The following CAST variants were observed in gnomAD, a reference collection of about 807,000 sequenced individuals.
CAST encodes MIR583 host.
Under a neutral mutation model 119.6 loss-of-function variants are expected in CAST, and 76 were observed. The ratio of observed to expected loss-of-function variants is 0.64; its 90% confidence interval spans 0.53 to 0.77. The LOEUF is 0.77. Among genes scored for constraint, CAST ranks in the 30% least tolerant of loss-of-function variants. CAST has a pLI of 0.00. For synonymous variants in CAST, 319 were observed against 331.6 expected (o/e 0.96, Z 0.41); for missense variants, 953 against 946.5 (o/e 1.01, Z -0.09).
intron 1 of CAST, among the ~76,000 whole-genome samples, chr5:96,565,244 A>G (rs1286532642): frequency 1.3e-5 from 2 of 152,092 alleles, no homozygotes; most frequent in Non-Finnish European, 2.9e-5. Flanking sequence ...ATTAAAATAT[A>G]TATCATATAG....
the CAST span, among the ~76,000 whole-genome samples, chr5:96,203,772 T>C: frequency 6.6e-6 from 1 of 152,078 alleles, no homozygotes; most frequent in Non-Finnish European, 1.5e-5. Flanking sequence ...TAAGAACCTC[T>C]GTGAATATAT....
chr5:96,565,856 T>C (rs1462428543), intron 1 of CAST, among the ~76,000 whole-genome samples: 1 of 152,220 alleles, frequency 6.6e-6, no homozygotes, highest in East Asian at 1.9e-4. Context: ...CTCTTCCTTT[T>C]AGTAGAAAGC....
the CAST span, among the ~76,000 whole-genome samples, chr5:96,107,239 G>A: frequency 3.3e-5 from 5 of 151,744 alleles, no homozygotes; most frequent in African/African-American, 1.2e-4. Flanking sequence ...AGTTAATATT[G>A]TTATGTGTGA....
the CAST span, among the ~76,000 whole-genome samples, chr5:96,277,887 T>C: frequency 2.0e-5 from 3 of 152,250 alleles, no homozygotes; most frequent in East Asian, 3.9e-4. Flanking sequence ...GATTTGATAA[T>C]AGCAGCCAGC....
the CAST span, among the ~76,000 whole-genome samples, chr5:96,071,093 C>G: frequency 6.6e-6 from 1 of 152,068 alleles, no homozygotes; most frequent in African/African-American, 2.4e-5. Flanking sequence ...TGCCTTAGGC[C>G]AAGATCACGA....
chr5:96,301,937 G>C, the CAST span, among the ~76,000 whole-genome samples: 3 of 152,206 alleles, frequency 2.0e-5, no homozygotes, highest in African/African-American at 7.2e-5. Flanking sequence ...CATTGCTCCA[G>C]TGGGGACTCT....
upstream of CAST, chr5:96,662,254 G>C: frequency 1.2e-6 from 1 of 809,202 alleles, no homozygotes; most frequent in Non-Finnish European, 1.7e-6. Context: ...CGGGGCTAGG[G>C]GAACCCCGGC....
At chr5:96,242,085 A>G in the CAST span, among the ~76,000 whole-genome samples, 6 of 146,970 alleles carry the variant, frequency 4.1e-5, no homozygotes, top group African/African-American at 1.5e-4. Context: ...CCCATTTGTC[A>G]ATTTTGGCTT....
chr5:96,368,517 A>C, the CAST span, among the ~76,000 whole-genome samples: 2 of 149,772 alleles, frequency 1.3e-5, no homozygotes, highest in African/African-American at 4.9e-5. Context: ...AAAAAAAAAC[A>C]AAAAAACCTA....
the CAST span, among the ~76,000 whole-genome samples, chr5:96,272,168 A>T: frequency 6.6e-6 from 1 of 152,184 alleles, no homozygotes; most frequent in Admixed American, 6.5e-5. Flanking sequence ...TGGGAATGTG[A>T]ATTAGTAAAG....
intron 2 of CAST, among the ~76,000 whole-genome samples, chr5:96,678,706 G>T (rs1750990437): frequency 6.6e-6 from 1 of 151,968 alleles, no homozygotes; most frequent in Non-Finnish European, 1.5e-5. Context: ...AATTAGTCTG[G>T]CAAGGTGGCG....
At chr5:96,102,606 T>A in the CAST span, among the ~76,000 whole-genome samples, 2 of 152,200 alleles carry the variant, frequency 1.3e-5, no homozygotes, top group East Asian at 3.8e-4. Context: ...GACCCGCCCC[T>A]GCCTGCCTAG....
chr5:96,399,520 C>T, the CAST span, among the ~76,000 whole-genome samples: 1 of 152,080 alleles, frequency 6.6e-6, no homozygotes. Context: ...GAAGAAAAGC[C>T]ATGAATCACA....
the CAST span, among the ~76,000 whole-genome samples, chr5:96,153,913 T>C: frequency 3.3e-5 from 5 of 152,186 alleles, no homozygotes; most frequent in Admixed American, 2.0e-4. Context: ...AGGCAGATAT[T>C]GCATTATATC....
intron 2 of CAST, among the ~76,000 whole-genome samples, chr5:96,687,280 A>G (rs1296438210): frequency 6.6e-6 from 1 of 152,212 alleles, no homozygotes; most frequent in African/African-American, 2.4e-5. Flanking sequence ...TGGGTAGTGC[A>G]GAGATGAACG....
chr5:96,229,517 CAGT>C, the CAST span, among the ~76,000 whole-genome samples: 3 of 152,040 alleles, frequency 2.0e-5, no homozygotes, highest in African/African-American at 7.2e-5. Flanking sequence ...AGATGTTAAA[CAGT>C]GGTATCTTCC....
chr5:96,205,092 A>G, the CAST span, among the ~76,000 whole-genome samples: 1 of 152,044 alleles, frequency 6.6e-6, no homozygotes, highest in Non-Finnish European at 1.5e-5. Flanking sequence ...TTTCTAATTC[A>G]ATGGTTTGTT....
the CAST span, among the ~76,000 whole-genome samples, chr5:95,989,256 G>C: frequency 6.6e-6 from 1 of 152,126 alleles, no homozygotes; most frequent in Non-Finnish European, 1.5e-5. Context: ...CTGCAATAAT[G>C]TTTCTGTTGG....
the CAST span, among the ~76,000 whole-genome samples, chr5:96,089,066 CTTTT>C: frequency 4.2e-4 from 50 of 117,690 alleles, no homozygotes; most frequent in Admixed American, 1.3e-3. Context: ...CTCCAAAAAT[CTTTT>C]TTTTTTTTTT....
Sources: gnomAD v4.1 joint callset for allele counts (sites outside exome capture counted in the v4.1 genomes callset) on GRCh38, gnomAD v4.1.1 for gene constraint, MANE v1.5 for transcripts, NCBI Gene and HGNC (gene_info 2026-07-23, HGNC 2026-07-21) for gene names.